The following CCSER1 variants were observed in gnomAD, a reference collection of about 807,000 sequenced individuals.
The protein encoded by CCSER1 is coiled-coil serine rich protein 1, also known as serine-rich coiled-coil domain-containing protein 1.
CCSER1 carries 41 observed loss-of-function variants against 82.0 expected under a neutral mutation model. That is an observed-to-expected ratio of 0.50 (90% CI 0.39 to 0.65). The LOEUF is 0.65. Among genes scored for constraint, CCSER1 ranks in the 30% least tolerant of loss-of-function variants. The pLI is 0.00. For missense variants in CCSER1, 1,119 were observed against 1,064.2 expected (o/e 1.05, Z -0.72); for synonymous variants, 414 against 383.9 (o/e 1.08, Z -0.92).
chr4:90,613,668 G>A lies in CCSER1; in HGVS notation c.1725-14357G>A, dbSNP rs529643273. ...TGGCAGCTATAGCCACAGGGGAAGA[G>A]AGCATGGGACCCTGTTTAGCAAGAC... On this transcript the variant is annotated intron_variant, in intron 5 of 10. Coordinates refer to ENST00000509176, the MANE Select transcript of CCSER1 (RefSeq NM_001145065.2). Among the ~76,000 whole-genome samples, 7 of 152,240 alleles carry A rather than the reference G, an allele frequency of 4.6e-5. No homozygotes were observed. The South Asian group carries it at 1.5e-3, about 32-fold the overall frequency.
chr4:91,554,312 C>T (rs1169424479), intron 10 of CCSER1, among the ~76,000 whole-genome samples: 2 of 151,292 alleles, frequency 1.3e-5, no homozygotes, highest in South Asian at 2.1e-4. Flanking sequence ...TATGATCTAT[C>T]CTGGAGAGTG....
chr4:90,811,906 T>C (rs996460735), intron 7 of CCSER1, among the ~76,000 whole-genome samples: 2 of 76,288 alleles, frequency 2.6e-5, no homozygotes, highest in African/African-American at 1.1e-4. Context: ...ATGGAATATA[T>C]ATATACACAC....
intron 5 of CCSER1, among the ~76,000 whole-genome samples, chr4:90,545,960 C>T (rs1776699068): frequency 6.6e-6 from 1 of 152,046 alleles, no homozygotes; most frequent in African/African-American, 2.4e-5. Context: ...AGAGGAACAA[C>T]AATAGGTAAA....
At chr4:90,574,565 G>T (rs113835583) in intron 5 of CCSER1, among the ~76,000 whole-genome samples, 4,060 of 151,890 alleles carry the variant, frequency 0.027, 133 homozygotes, top group South Asian at 0.087. Context: ...ACCGCGCCTG[G>T]CCCGAAACAC....
chr4:91,368,590 C>T (rs1214442717), intron 10 of CCSER1, among the ~76,000 whole-genome samples: 1 of 151,984 alleles, frequency 6.6e-6, no homozygotes, highest in Non-Finnish European at 1.5e-5. Context: ...TTTTTCTATA[C>T]TTTTATATTT....
At chr4:91,454,814 TC>T (rs573540125) in intron 10 of CCSER1, among the ~76,000 whole-genome samples, 209 of 151,966 alleles carry the variant, frequency 1.4e-3, no homozygotes, top group African/African-American at 4.9e-3. Context: ...CAAAATCGAC[TC>T]CCCGAGAAGC....
In CCSER1 at chr4:90,551,706, C is replaced by CTCTCTGTCTA; in HGVS notation, c.1725-76318_1725-76317insCTCTGTCTAT. Among the ~76,000 whole-genome samples the CTCTCTGTCTA allele has an allele frequency of 1.9e-5, 2 of 104,224 alleles. 1 individual carries two copies. The highest frequency in any genetic ancestry group is 2.1e-4 in the Admixed American group (2 of 9,362). 68.4% of individuals were successfully genotyped at this position (104,224 alleles called of 152,430 possible). On this transcript the variant is annotated intron_variant, in intron 5 of 10. Transcript: ENST00000509176. The stretch of plus-strand genomic sequence containing the variant: ...TCTCTCTCTCTCTCTCTCTCTCTCT[C>CTCTCTGTCTA]TATATATATATATATATATATGTAA...
chr4:90,503,613 C>T (rs1333000313), intron 5 of CCSER1, among the ~76,000 whole-genome samples: 3 of 152,022 alleles, frequency 2.0e-5, no homozygotes, highest in Non-Finnish European at 4.4e-5. Flanking sequence ...TTTCCTGTGT[C>T]CATGTGTTCT....
chr4:91,397,673 A>G (rs1336941527), intron 10 of CCSER1, among the ~76,000 whole-genome samples: 1 of 152,056 alleles, frequency 6.6e-6, no homozygotes, highest in African/African-American at 2.4e-5. Context: ...CTCCCTGGGT[A>G]TTGGATGGAA....
intron 10 of CCSER1, among the ~76,000 whole-genome samples, chr4:91,381,564 G>T (rs553457301): frequency 6.6e-6 from 1 of 152,208 alleles, no homozygotes; most frequent in African/African-American, 2.4e-5. Flanking sequence ...CATTCATCAG[G>T]TAGTTCTCGT....
chr4:90,648,410 G>A (rs938774153), intron 6 of CCSER1, among the ~76,000 whole-genome samples: 14 of 152,100 alleles, frequency 9.2e-5, no homozygotes, highest in Non-Finnish European at 1.8e-4. Context: ...CTTAAAGCCT[G>A]AAATTTCTGT....
intron 10 of CCSER1, among the ~76,000 whole-genome samples, chr4:91,556,928 G>C (rs751634157): frequency 2.0e-5 from 3 of 151,004 alleles, no homozygotes; most frequent in African/African-American, 7.3e-5. Flanking sequence ...ATTTTTTAGA[G>C]AGGCCATTTT....
chr4:90,752,322 T>C (rs1748794324), intron 7 of CCSER1, among the ~76,000 whole-genome samples: 1 of 152,108 alleles, frequency 6.6e-6, no homozygotes, highest in Admixed American at 6.6e-5. Context: ...ATAGTTCTTT[T>C]ACAATTGCAG....
At chr4:90,919,292 T>C (rs1728034085) in intron 8 of CCSER1, among the ~76,000 whole-genome samples, 1 of 151,850 alleles carries the variant, frequency 6.6e-6, no homozygotes, top group East Asian at 1.9e-4. Context: ...AGTTATAGTA[T>C]CTTTGCAGAG....
intron 9 of CCSER1, among the ~76,000 whole-genome samples, chr4:91,012,217 G>A (rs1739052610): frequency 2.2e-5 from 3 of 134,414 alleles, no homozygotes; most frequent in South Asian, 4.8e-4. Context: ...TCAGGCACAG[G>A]GTAGTGTGAA....
intron 10 of CCSER1, among the ~76,000 whole-genome samples, chr4:91,124,430 C>A (rs1479819962): frequency 6.6e-6 from 1 of 151,308 alleles, no homozygotes; most frequent in Non-Finnish European, 1.5e-5. Context: ...TATTTTTTTC[C>A]CAAAGTGTAG....
chr4:90,218,880 A>G (rs1281702895), intron 1 of CCSER1, among the ~76,000 whole-genome samples: 1 of 138,110 alleles, frequency 7.2e-6, no homozygotes, highest in African/African-American at 2.8e-5. Context: ...AAATATTAAT[A>G]TGTCTATGGA....
At chr4:91,283,934 A>C (rs1560565484) in intron 10 of CCSER1, among the ~76,000 whole-genome samples, 1 of 152,106 alleles carries the variant, frequency 6.6e-6, no homozygotes, top group Admixed American at 6.6e-5. Context: ...ATTGAGACCA[A>C]ATGCCCAAAG....
chr4:90,532,878 T>C (rs1368381348), intron 5 of CCSER1, among the ~76,000 whole-genome samples: 2 of 152,140 alleles, frequency 1.3e-5, no homozygotes, highest in East Asian at 3.9e-4. Context: ...CTTGGCTTTT[T>C]TGTATTCTGT....
Sources: allele counts gnomAD v4.1 joint callset (sites outside exome capture counted in the v4.1 genomes callset), GRCh38; gene constraint gnomAD v4.1.1; transcripts MANE v1.5; gene names NCBI Gene and HGNC (gene_info 2026-07-23, HGNC 2026-07-21).